The following CLTC variants were observed in gnomAD, a reference collection of about 807,000 sequenced individuals.
The protein encoded by CLTC is clathrin heavy chain 1.
A neutral mutation model predicts 195.8 loss-of-function variants in CLTC; 16 were observed. The observed-to-expected ratio is 0.08, with a 90% CI of 0.06 to 0.12. The LOEUF is 0.12. Ranked by LOEUF, CLTC falls within the 10% of genes least tolerant of loss-of-function variation. The probability of loss-of-function intolerance (pLI) is 1.00; values close to 1 mark genes in which losing one functional copy is unlikely to be tolerated. For missense variants in CLTC, 796 were observed against 2,027.0 expected, an observed-to-expected ratio of 0.39 and a Z score of 11.66; for synonymous variants, 667 against 689.4, an observed-to-expected ratio of 0.97 and a Z score of 0.51.
rs942280175 is a variant in CLTC at position 59,694,465 on chromosome 17, T to G, written c.*613T>G. 1.5e-4 allele frequency: 33 copies of G among 224,486 alleles called. No homozygotes were observed. Among genetic ancestry groups the G allele is most frequent in the African/African-American group, 7.1e-4 (32 of 44,900 alleles). 13.9% of individuals were successfully genotyped at this position (224,486 alleles called of 1,614,324 possible). On this transcript the variant is annotated 3_prime_UTR_variant, in exon 32 of 32. Transcript: ENST00000269122. ...CTCTAACCTATGCAGGTTTCCCCAT[T>G]ATGCATATAGAAAATGCTAGTATGT...
At chr17:59,680,823 C>T in intron 18 of CLTC, 89 bp from the exon 19 acceptor site, 1 of 1,015,042 alleles carries the variant, frequency 9.9e-7, no homozygotes, top group Admixed American at 2.6e-5. Flanking sequence ...TCTTTTCTGC[C>T]TATTTCAAGT....
At position 59,648,115 on chromosome 17, in the gene CLTC, G is replaced by A; in HGVS notation, c.520-125G>A. ...AAGTATCAAATCTACAGTGAGAGAT[G>A]AAGTGACAAATAATTATAAATCCTG... On this transcript the variant is annotated intron_variant, in intron 3 of 31. Coordinates refer to ENST00000269122, the MANE Select transcript of CLTC (RefSeq NM_004859.4). This position sits in a 1 kb window ranked among gnomAD's most constrained non-coding sequence, Gnocchi z 4.5. 2 of 896,744 alleles carry A rather than the reference G, an allele frequency of 2.2e-6. No individual in the cohort carries two copies. Among genetic ancestry groups the A allele is most frequent in the South Asian group, 2.0e-5 (1 of 51,152 alleles). 55.5% of individuals were successfully genotyped at this position (896,744 alleles called of 1,614,324 possible). A position where few individuals can be genotyped will look rare whatever the true frequency, so the allele number is the denominator to read the frequency against.
At position 59,682,593 on chromosome 17, in the gene CLTC, T is replaced by C. The variant is rs748500687; in HGVS notation, c.3601-36T>C. On this transcript the variant is annotated intron_variant, in intron 22 of 31. Transcript: ENST00000269122. The surrounding 1 kb of genome is among the most constrained non-coding windows in gnomAD (Gnocchi z 6.8). ...GAAAAGAGGATTAAGCTCACACTAA[T>C]ATCTTGCTGAATGTGGGTTACCTTT... The C allele has an allele frequency of 2.5e-6, 4 of 1,610,162 alleles. No homozygotes were observed. In the South Asian group the frequency reaches 4.4e-5, roughly 18 times the overall value.
chr17:59,656,898 T>C (rs1188143304), intron 6 of CLTC, among the ~76,000 whole-genome samples: 1 of 151,990 alleles, frequency 6.6e-6, no homozygotes, highest in Admixed American at 6.6e-5. Context: ...GGTCTCAAAC[T>C]CCTGACCTTG....
At chr17:59,626,020 T>C (rs1317090968) in intron 1 of CLTC, among the ~76,000 whole-genome samples, 1 of 152,234 alleles carries the variant, frequency 6.6e-6, no homozygotes, top group Non-Finnish European at 1.5e-5. Flanking sequence ...TTCAGGTATC[T>C]CAACCAATGA....
intron 1 of CLTC, among the ~76,000 whole-genome samples, chr17:59,637,496 G>A (rs1416646902): frequency 1.3e-5 from 2 of 148,300 alleles, no homozygotes; most frequent in African/African-American, 2.5e-5. Context: ...CGCCCGCCTC[G>A]GCCTCCCAAA....
rs1019952447 is a variant in CLTC, at chr17:59,661,601, A to G, written c.1326A>G (p.Gln442=). 2 of 1,614,114 alleles carry G rather than the reference A, an allele frequency of 1.2e-6. No homozygotes were observed. Among genetic ancestry groups the G allele is most frequent in the African/African-American group, 1.3e-5 (1 of 75,038 alleles). Residue 442 remains glutamine, a synonymous_variant, in exon 8 of 32, where the codon CAA becomes CAG. Coordinates refer to ENST00000269122, the MANE Select transcript of CLTC (RefSeq NM_004859.4). ...AGCTTTGTAGGCCTGTACTTCAGCAAGGGCGAAAACAGCTTTTGGAGAAAT... is the reference window on the plus strand; with the variant it reads ...AGCTTTGTAGGCCTGTACTTCAGCAGGGGCGAAAACAGCTTTTGGAGAAAT... ...SLELCRPVLQ[Q]GRKQLLEKWL...
chr17:59,619,937 G>T lies in CLTC; in HGVS notation c.-195G>T. The T allele has an allele frequency of 1.8e-6, 1 of 545,888 alleles. No individual in the cohort carries two copies. Among genetic ancestry groups the T allele is most frequent in the Non-Finnish European group, 3.3e-6 (1 of 304,746 alleles). The allele number at this position is 545,888 out of a possible 1,614,324, so 33.8% of individuals were successfully genotyped here. ...GCGCTGCGCCCGGTTCCGCCATTGC[G>T]GCTCTCCTGGCCCCTGGAGCCTCCG... is the stretch of plus-strand genomic sequence containing the variant. On this transcript the variant is annotated 5_prime_UTR_variant, in exon 1 of 32. Coordinates refer to ENST00000269122, the MANE Select transcript of CLTC (RefSeq NM_004859.4).
intron 1 of CLTC, among the ~76,000 whole-genome samples, chr17:59,632,755 C>A (rs1319442894): frequency 6.6e-6 from 1 of 152,160 alleles, no homozygotes; most frequent in South Asian, 2.1e-4. Context: ...GATAGTGAAG[C>A]AGTGTCTATA....
chr17:59,647,266 TTGC>T, intron 2 of CLTC, 129 bp from the exon 3 acceptor site: 2 of 681,882 alleles, frequency 2.9e-6, no homozygotes, highest in South Asian at 3.9e-5. Flanking sequence ...TCTTTAATGG[TTGC>T]TGCTGTATCG....
chr17:59,666,524 C>T lies in CLTC; in HGVS notation c.1827C>T (p.Asp609=). 6.2e-7 allele frequency: 1 copy of T among 1,614,086 alleles called. No homozygotes were observed. The highest frequency in any genetic ancestry group is 1.7e-5 in the Admixed American group (1 of 59,996). Residue 609 remains aspartate (D), a synonymous_variant, in exon 12 of 32, where the codon GAC becomes GAT. Coordinates refer to ENST00000269122, the MANE Select transcript of CLTC (RefSeq NM_004859.4). The surrounding 1 kb of genome is among the most constrained non-coding windows in gnomAD (Gnocchi z 4.9). ...GCAATCAGATGTTCACACATTATGA[C>T]CGGGCTCATATTGCTCAACTGTGTG... ...ILGNQMFTHY[D]RAHIAQLCEK... is the part of the protein sequence containing the mutation.
In CLTC at chr17:59,666,061, C is replaced by T. The variant is rs1428399786; in HGVS notation, c.1645-42C>T. The T allele has an allele frequency of 6.8e-7, 1 of 1,475,786 alleles. No individual in the cohort carries two copies. The highest frequency in any genetic ancestry group is 1.2e-5 in the South Asian group (1 of 85,108). 91.4% of individuals were successfully genotyped at this position (1,475,786 alleles called of 1,614,324 possible). On this transcript the variant is annotated intron_variant, in intron 10 of 31. Transcript: ENST00000269122. This position sits in a 1 kb window ranked among gnomAD's most constrained non-coding sequence, Gnocchi z 4.9. Reference sequence around the variant, plus strand: ...TGCATAATTTTGTCTACATACTCTCCATAGTATCTTAAAACAATTTCTTTT... The same window carrying T: ...TGCATAATTTTGTCTACATACTCTCTATAGTATCTTAAAACAATTTCTTTT...
At position 59,685,001 on chromosome 17, in the gene CLTC, A is replaced by C. The variant is rs745496552; in HGVS notation, c.4435-55A>C. ...AAGGGGCTCATTGATTGAGAACGGA[A>C]TATAATGTTAAACAAAATACTGATC... On this transcript the variant is annotated intron_variant, in intron 28 of 31. Coordinates refer to ENST00000269122, the MANE Select transcript of CLTC (RefSeq NM_004859.4). This position sits in a 1 kb window ranked among gnomAD's most constrained non-coding sequence, Gnocchi z 5.0. 7.3e-5 allele frequency: 102 copies of C among 1,400,552 alleles called. No homozygotes were observed. Among genetic ancestry groups the C allele is most frequent in the Non-Finnish European group, 9.1e-5 (95 of 1,046,968 alleles). The allele number at this position is 1,400,552 out of a possible 1,614,324, so 86.8% of individuals were successfully genotyped here.
chr17:59,623,098 G>T (rs1167884711), intron 1 of CLTC, among the ~76,000 whole-genome samples: 2 of 152,120 alleles, frequency 1.3e-5, no homozygotes, highest in Non-Finnish European at 2.9e-5. Flanking sequence ...GGCACATTAA[G>T]TATCTTTAGG....
At chr17:59,675,204 C>T (rs1018436350) in intron 16 of CLTC, among the ~76,000 whole-genome samples, 1 of 151,962 alleles carries the variant, frequency 6.6e-6, no homozygotes, top group African/African-American at 2.4e-5. Flanking sequence ...TGTGGTGTTT[C>T]CAACCTGAGA....
At chr17:59,687,098 T>A in intron 30 of CLTC, 1 of 726,180 alleles carries the variant, frequency 1.4e-6, no homozygotes, top group Non-Finnish European at 1.7e-6. Flanking sequence ...TTCCTTCCTC[T>A]TCTACACTGC....
At position 59,676,933 on chromosome 17, in the gene CLTC, GT is replaced by G. The variant is rs776112612; in HGVS notation, c.2562-14del. 16 of 1,573,676 alleles carry G rather than the reference GT, an allele frequency of 1.0e-5. No individual in the cohort carries two copies. The highest frequency in any genetic ancestry group is 5.2e-6 in the Non-Finnish European group (6 of 1,144,112). ...TTATAATACAGTATGTGTGTGTGAG[GT>G]TTTTTTCCTTTTTTCCTAGATTGAA... On this transcript the variant is annotated intron_variant, in intron 16 of 31. Coordinates refer to ENST00000269122, the MANE Select transcript of CLTC (RefSeq NM_004859.4).
chr17:59,654,350 G>C (rs1168271212), intron 5 of CLTC, among the ~76,000 whole-genome samples: 1 of 149,942 alleles, frequency 6.7e-6, no homozygotes, highest in Non-Finnish European at 1.5e-5. Flanking sequence ...TAATTTTTTT[G>C]TATTTTTAGT....
At position 59,662,867 on chromosome 17, in the gene CLTC, G is replaced by A. The variant is rs192040218; in HGVS notation, c.1369-975G>A. Among the ~76,000 whole-genome samples, 765 of 152,300 alleles carry A rather than the reference G, an allele frequency of 5.0e-3. 3 individuals are homozygous for A. The highest frequency in any genetic ancestry group is 6.0e-3 in the Non-Finnish European group (409 of 68,024). On this transcript the variant is annotated intron_variant, in intron 8 of 31. Transcript: ENST00000269122. ...AGGCAAAAGGATCACTTGATGCAAA[G>A]AGTTTGAGACCAGCCTAGGCAACAC...
Sources: gnomAD v4.1 joint callset for allele counts (sites outside exome capture counted in the v4.1 genomes callset) on GRCh38, gnomAD v4.1.1 for gene constraint, Gnocchi (gnomAD v3.1) non-coding constraint, MANE v1.5 for transcripts, NCBI Gene and HGNC (gene_info 2026-07-23, HGNC 2026-07-21) for gene names.